The following DLGAP1 variants were observed in gnomAD, a reference collection of about 807,000 sequenced individuals.
DLGAP1 encodes the protein disks large-associated protein 1.
A neutral mutation model predicts 90.8 loss-of-function variants in DLGAP1; 11 were observed. That is an observed-to-expected ratio of 0.12 (90% confidence interval 0.08 to 0.20). The LOEUF (loss-of-function observed/expected upper bound fraction) is 0.20. Ranked by LOEUF, DLGAP1 falls within the 10% of genes least tolerant of loss-of-function variation. DLGAP1 has a pLI of 1.00. For synonymous variants in DLGAP1, 558 were observed against 540.7 expected (o/e 1.03, Z -0.44); for missense variants, 1,050 against 1,333.8 (o/e 0.79, Z 3.31).
intron 9 of DLGAP1, among the ~76,000 whole-genome samples, chr18:3,546,400 G>A (rs1202302433): frequency 7.9e-6 from 1 of 125,972 alleles, no homozygotes; most frequent in Non-Finnish European, 1.7e-5. Flanking sequence ...TGGTGACAGT[G>A]CCAAACCTTG....
At chr18:3,679,604 T>C (rs2060436402) in intron 7 of DLGAP1, among the ~76,000 whole-genome samples, 1 of 149,094 alleles carries the variant, frequency 6.7e-6, no homozygotes, top group East Asian at 2.0e-4. Context: ...GTATATGGGC[T>C]ACTAGATAGG....
chr18:4,336,944 C>A (rs1409168768), intron 1 of DLGAP1, among the ~76,000 whole-genome samples: 28 of 117,804 alleles, frequency 2.4e-4, no homozygotes, highest in East Asian at 5.1e-4. Context: ...ACTGAAAATA[C>A]AAAAAAAAAA....
intron 7 of DLGAP1, among the ~76,000 whole-genome samples, chr18:3,687,599 G>T (rs2060745202): frequency 6.6e-6 from 1 of 152,164 alleles, no homozygotes; most frequent in Admixed American, 6.5e-5. Context: ...CTTAATATAT[G>T]AAGCTTTATT....
chr18:3,870,441 C>A (rs2070673189), intron 4 of DLGAP1, among the ~76,000 whole-genome samples: 1 of 152,200 alleles, frequency 6.6e-6, no homozygotes, highest in Non-Finnish European at 1.5e-5. Flanking sequence ...ATGTAGGGGG[C>A]AATAACTAAG....
At chr18:4,045,153 C>T (rs2075030302) in intron 2 of DLGAP1, among the ~76,000 whole-genome samples, 1 of 152,064 alleles carries the variant, frequency 6.6e-6, no homozygotes, top group African/African-American at 2.4e-5. Flanking sequence ...CCGAGCCACT[C>T]TCATCTCCTA....
chr18:3,530,105 C>A (rs529944031), intron 10 of DLGAP1, among the ~76,000 whole-genome samples: 5 of 152,242 alleles, frequency 3.3e-5, no homozygotes, highest in Admixed American at 3.3e-4. Context: ...TTCCAAGAGT[C>A]CTGTTGAAAG....
intron 7 of DLGAP1, among the ~76,000 whole-genome samples, chr18:3,685,456 TG>T (rs1462844728): frequency 6.7e-6 from 1 of 149,064 alleles, no homozygotes; most frequent in African/African-American, 2.5e-5. Context: ...CCCAGCTACT[TG>T]GGAGGCTGAG....
chr18:3,663,541 G>T (rs2059762961), intron 7 of DLGAP1, among the ~76,000 whole-genome samples: 1 of 152,162 alleles, frequency 6.6e-6, no homozygotes, highest in Non-Finnish European at 1.5e-5. Context: ...CAGTATCTGG[G>T]CTCAGACCTT....
At chr18:4,225,630 C>A (rs1379209277) in intron 1 of DLGAP1, among the ~76,000 whole-genome samples, 8 of 150,358 alleles carry the variant, frequency 5.3e-5, no homozygotes. Context: ...AGAAATCAAG[C>A]AGAAAAAAGT....
Position 3,669,908 on chromosome 18 carries a change from C to T in DLGAP1, c.1591+59227G>A, listed in dbSNP as rs535366288. Among the ~76,000 whole-genome samples, 5 of 152,272 alleles carry T rather than the reference C, an allele frequency of 3.3e-5. No homozygotes were observed. The East Asian group carries it at 9.7e-4, about 29-fold the overall frequency. On this transcript the variant is annotated intron_variant, in intron 7 of 12. Coordinates refer to ENST00000315677, the MANE Select transcript of DLGAP1 (RefSeq NM_004746.4). ...ACCCTGCGACACACGACCACTGGGG[C>T]TTCAGCTGTAAACATTCACCCCTAG...
intron 3 of DLGAP1, among the ~76,000 whole-genome samples, chr18:3,895,346 C>T (rs1343918659): frequency 6.6e-6 from 1 of 150,790 alleles, no homozygotes; most frequent in Non-Finnish European, 1.5e-5. Context: ...ATCATCATCT[C>T]ATAAACCACT....
intron 7 of DLGAP1, among the ~76,000 whole-genome samples, chr18:3,699,018 T>C (rs1458928078): frequency 6.6e-6 from 1 of 152,134 alleles, no homozygotes; most frequent in African/African-American, 2.4e-5. Context: ...TTCTCTAATC[T>C]GGTTATTCTA....
At chr18:4,312,900 C>T (rs949765427) in intron 1 of DLGAP1, among the ~76,000 whole-genome samples, 1 of 152,142 alleles carries the variant, frequency 6.6e-6, no homozygotes, top group Admixed American at 6.5e-5. Flanking sequence ...TATTAACTCT[C>T]TATGGTAATA....
chr18:3,869,773 G>C (rs1198717370), intron 4 of DLGAP1, among the ~76,000 whole-genome samples: 1 of 152,054 alleles, frequency 6.6e-6, no homozygotes, highest in Non-Finnish European at 1.5e-5. Flanking sequence ...GAAATACAAA[G>C]GAAAAAGTGG....
intron 1 of DLGAP1, among the ~76,000 whole-genome samples, chr18:4,170,329 G>GT (rs1458517096): frequency 6.6e-6 from 1 of 152,104 alleles, no homozygotes; most frequent in Non-Finnish European, 1.5e-5. Context: ...ACTTTCCAGT[G>GT]GTAGGTAAGC....
intron 4 of DLGAP1, among the ~76,000 whole-genome samples, chr18:3,866,536 T>C (rs1376053106): frequency 2.0e-5 from 3 of 152,196 alleles, no homozygotes; most frequent in African/African-American, 7.2e-5. Flanking sequence ...TCCATGTGAG[T>C]AGTGCTGTTT....
chr18:3,974,525 A>G (rs1278360508), intron 3 of DLGAP1, among the ~76,000 whole-genome samples: 1 of 152,232 alleles, frequency 6.6e-6, no homozygotes. Flanking sequence ...GAAAAAGTCC[A>G]GCTTTTCCAT....
chr18:3,720,885 C>CAAA (rs1568012630), intron 7 of DLGAP1, among the ~76,000 whole-genome samples: 6 of 26,482 alleles, frequency 2.3e-4, no homozygotes, highest in African/African-American at 6.4e-4. Context: ...GACCTTGTCT[C>CAAA]TACAAAAAAA....
chr18:3,826,246 G>A (rs2067706018), intron 4 of DLGAP1, among the ~76,000 whole-genome samples: 2 of 152,164 alleles, frequency 1.3e-5, no homozygotes, highest in African/African-American at 4.8e-5. Context: ...CACGTAACAA[G>A]CCTGCACATG....
Sources: gnomAD v4.1 joint callset for allele counts (sites outside exome capture counted in the v4.1 genomes callset) on GRCh38, gnomAD v4.1.1 for gene constraint, MANE v1.5 for transcripts, NCBI Gene and HGNC (gene_info 2026-07-23, HGNC 2026-07-21) for gene names.